Variants in AS3MT observed in about 807,000 individuals in gnomAD.
AS3MT encodes the protein arsenite methyltransferase, also known as S-adenosyl-L-methionine:arsenic(III) methyltransferase.
In AS3MT, 47 loss-of-function variants were observed where a neutral mutation model predicts 45.3. That is an observed-to-expected ratio of 1.04 (90% CI 0.82 to 1.32). The LOEUF is 1.32. Ranked by LOEUF, AS3MT falls within the 40% of genes most tolerant of loss-of-function variation. The probability of loss-of-function intolerance (pLI) is 0.00; values close to 1 mark genes in which losing one functional copy is unlikely to be tolerated. For missense variants in AS3MT, 396 were observed against 451.1 expected, an observed-to-expected ratio of 0.88 and a Z score of 1.11; for synonymous variants, 141 against 152.8, an observed-to-expected ratio of 0.92 and a Z score of 0.57.
intron 7 of AS3MT, among the ~76,000 whole-genome samples, chr10:102,877,780 T>C (rs1365113988): frequency 1.5e-5 from 2 of 133,690 alleles, no homozygotes; most frequent in Admixed American, 8.5e-5. Context: ...TGAGATGGAG[T>C]CTCGCTCTGT....
chr10:102,890,067 C>G (rs533576928), intron 9 of AS3MT, among the ~76,000 whole-genome samples: 1 of 148,730 alleles, frequency 6.7e-6, no homozygotes, highest in African/African-American at 2.5e-5. Flanking sequence ...GTGGCACGAT[C>G]TCGGCTCACT....
intron 10 of AS3MT, among the ~76,000 whole-genome samples, chr10:102,900,034 G>A (rs1845245814): frequency 6.6e-6 from 1 of 152,114 alleles, no homozygotes; most frequent in Non-Finnish European, 1.5e-5. Context: ...ATTGTTAGAG[G>A]TATCTCATTT....
At chr10:102,874,083 T>C (rs776150937) in intron 5 of AS3MT, among the ~76,000 whole-genome samples, 11 of 152,072 alleles carry the variant, frequency 7.2e-5, no homozygotes, top group Non-Finnish European at 1.5e-4. Context: ...CGAAACCCCG[T>C]CTCTACTAAA....
chr10:102,872,452 T>C lies in AS3MT; in HGVS notation c.175T>C (p.Tyr59His). The C allele has an allele frequency of 6.2e-7, 1 of 1,613,856 alleles. No homozygotes were observed. The highest frequency in any genetic ancestry group is 8.5e-7 in the Non-Finnish European group (1 of 1,179,928). ...NVHEEVALRY[Y>H]GCGLVIPEHL... is the part of the protein sequence containing the mutation. ...TATGTGTTTTCCATTTCCCAGATAT[T>C]ATGGCTGTGGTCTGGTGATCCCTGA... The change falls in exon 4 of 11, where the codon TAT becomes CAT. Residue 59 changes from tyrosine to histidine, a missense_variant. Coordinates refer to ENST00000369880, the MANE Select transcript of AS3MT (RefSeq NM_020682.4).
chr10:102,889,607 T>TCTGCCTGCCTGCCTGC lies in AS3MT; in HGVS notation c.886-927_886-926insGCCTGCCTGCCTGCCT, dbSNP rs201022942. On this transcript the variant is annotated intron_variant, in intron 9 of 10. Coordinates refer to ENST00000369880, the MANE Select transcript of AS3MT (RefSeq NM_020682.4). ...TCATTCCCTTCCCTTCCCCTGCCTG[T>TCTGCCTGCCTGCCTGC]CTGCCTGCCTTCCTTCCTTCCTTCC... 6.2e-3 allele frequency among the ~76,000 whole-genome samples: 760 copies of TCTGCCTGCCTGCCTGC among 123,542 alleles called. 29 individuals carry two copies. The highest frequency in any genetic ancestry group is 0.013 in the East Asian group (46 of 3,654). The allele number at this position is 123,542 out of a possible 152,430, so 81.0% of individuals were successfully genotyped here.
At position 102,873,221 on chromosome 10, in the gene AS3MT, A is replaced by G. The variant is rs779988945; in HGVS notation, c.446A>G (p.His149Arg). Residue 149 changes from histidine to arginine, a missense_variant, in exon 5 of 11, where the codon CAT becomes CGT. Transcript: ENST00000369880. ...GAGGCTGGAATCAAGAATGAGAGCC[A>G]TGATATTGTTGTGTAGGTCTATATT... ...LGEAGIKNES[H>R]DIVVSNCVIN... 4 of 1,604,890 alleles carry G rather than the reference A, an allele frequency of 2.5e-6. No individual in the cohort carries two copies. In the South Asian group the frequency reaches 4.5e-5, roughly 18 times the overall value.
chr10:102,871,172 A>G (rs1272137844), intron 3 of AS3MT, among the ~76,000 whole-genome samples: 1 of 152,006 alleles, frequency 6.6e-6, no homozygotes, highest in African/African-American at 2.4e-5. Context: ...TGAACGTGGA[A>G]GGCGGAGGTC....
intron 10 of AS3MT, among the ~76,000 whole-genome samples, chr10:102,894,489 G>A (rs1017982100): frequency 4.6e-5 from 7 of 151,834 alleles, no homozygotes; most frequent in African/African-American, 1.2e-4. Flanking sequence ...CCATCTGAAC[G>A]GACCCCTCCT....
chr10:102,869,645 C>T (rs750818025), intron 1 of AS3MT, 52 bp downstream of exon 1: 13 of 1,434,386 alleles, frequency 9.1e-6, no homozygotes, highest in African/African-American at 2.9e-5. Context: ...CTTCCCTGGG[C>T]CCCCGCAAGG....
At chr10:102,875,360 C>G (rs930735781) in intron 6 of AS3MT, among the ~76,000 whole-genome samples, 2 of 151,380 alleles carry the variant, frequency 1.3e-5, no homozygotes, top group African/African-American at 4.9e-5. Flanking sequence ...GCCTGTAATC[C>G]CAGCTCCTCG....
chr10:102,879,168 T>G (rs1167869149), intron 9 of AS3MT, among the ~76,000 whole-genome samples, 177 bp downstream of exon 9: 2 of 152,130 alleles, frequency 1.3e-5, no homozygotes, highest in African/African-American at 2.4e-5. Context: ...CCCCAATACT[T>G]ATTTATTTAT....
In AS3MT at chr10:102,873,081, A is replaced by T. The variant is rs1349974197; in HGVS notation, c.322-16A>T. On this transcript the variant is annotated splice_polypyrimidine_tract_variant and intron_variant, in intron 4 of 10. Transcript: ENST00000369880. ...TTTTTCAAAATGTTATCAAAACTAT[A>T]TTTTTCTTACTTTAGGTGGAAGTGG... The T allele has an allele frequency of 3.2e-6, 5 of 1,552,738 alleles. No individual in the cohort carries two copies. Among genetic ancestry groups the T allele is most frequent in the Non-Finnish European group, 4.3e-6 (5 of 1,157,044 alleles).
At position 102,873,221 on chromosome 10, in the gene AS3MT, A is replaced by C; in HGVS notation, c.446A>C (p.His149Pro). The C allele has an allele frequency of 6.2e-7, 1 of 1,604,890 alleles. No individual in the cohort carries two copies. The highest frequency in any genetic ancestry group is 2.2e-5 in the East Asian group (1 of 44,702). ...GAGGCTGGAATCAAGAATGAGAGCC[A>C]TGATATTGTTGTGTAGGTCTATATT... Reference protein sequence around the residue: ...LGEAGIKNESHDIVVSNCVIN... With the variant: ...LGEAGIKNESPDIVVSNCVIN... The change falls in exon 5 of 11, where the codon CAT becomes CCT. Residue 149 changes from histidine (H) to proline (P), a missense_variant. Transcript: ENST00000369880.
At chr10:102,889,865 G>T (rs1168559221) in intron 9 of AS3MT, among the ~76,000 whole-genome samples, 1 of 151,768 alleles carries the variant, frequency 6.6e-6, no homozygotes, top group East Asian at 1.9e-4. Context: ...TTTAGTAGAG[G>T]CAGGGTTTTA....
intron 10 of AS3MT, among the ~76,000 whole-genome samples, chr10:102,893,702 T>C (rs1845114173): frequency 1.3e-5 from 2 of 152,054 alleles, no homozygotes; most frequent in African/African-American, 2.4e-5. Flanking sequence ...GGTTTCATCA[T>C]ATTGGCCAGG....
In AS3MT at chr10:102,881,944, T is replaced by G. The variant is rs1172087803; in HGVS notation, c.885+2953T>G. ...TTTTGTTGGTGAGACAGGTTTTTTT[T>G]TTTTTTCTTTTTTGAGACCAAGTCT... is the stretch of plus-strand genomic sequence containing the variant. On this transcript the variant is annotated intron_variant, in intron 9 of 10. Transcript: ENST00000369880. This position sits in a 1 kb window ranked among gnomAD's most constrained non-coding sequence, Gnocchi z 4.2. 2.0e-5 allele frequency among the ~76,000 whole-genome samples: 3 copies of G among 150,908 alleles called. No homozygotes were observed. Among genetic ancestry groups the G allele is most frequent in the Non-Finnish European group, 4.4e-5 (3 of 67,684 alleles).
chr10:102,870,151 GGCCGGTCCCCAA>G lies in AS3MT; in HGVS notation c.113_124del (p.Pro38_Lys41del). 1 of 1,614,214 alleles carries G rather than the reference GGCCGGTCCCCAA, an allele frequency of 6.2e-7. No homozygotes were observed. On this transcript the variant is annotated inframe_deletion, in exon 3 of 11. Coordinates refer to ENST00000369880, the MANE Select transcript of AS3MT (RefSeq NM_020682.4). The stretch of plus-strand genomic sequence containing the variant: ...ACCAACGGCTGTGTCACCACAGCCA[GGCCGGTCCCCAA>G]GCACATCCGGGAAGCCTTGCAAAAT...
At chr10:102,875,476 C>CAAA (rs35877885) in intron 6 of AS3MT, among the ~76,000 whole-genome samples, 42 of 39,418 alleles carry the variant, frequency 1.1e-3, no homozygotes, top group Middle Eastern at 0.016. Flanking sequence ...GACTCCATCT[C>CAAA]AAAAAAAAAA....
At chr10:102,872,387 G>A in intron 3 of AS3MT, 61 bp from the exon 4 acceptor site, 1 of 1,563,668 alleles carries the variant, frequency 6.4e-7, no homozygotes, top group Non-Finnish European at 8.8e-7. Context: ...GTATGTATAA[G>A]ATTTAGTGGT....
Sources: gnomAD v4.1 joint callset for allele counts (sites outside exome capture counted in the v4.1 genomes callset) on GRCh38, gnomAD v4.1.1 for gene constraint, Gnocchi (gnomAD v3.1) non-coding constraint, MANE v1.5 for transcripts, NCBI Gene and HGNC (gene_info 2026-07-23, HGNC 2026-07-21) for gene names.